The following NECTIN3 variants were observed in gnomAD, a reference collection of about 807,000 sequenced individuals.
NECTIN3 encodes nectin cell adhesion molecule 3, also known as nectin-3.
NECTIN3 carries 8 observed loss-of-function variants against 49.4 expected under a neutral mutation model. The ratio of observed to expected loss-of-function variants is 0.16; its 90% CI spans 0.10 to 0.29. The LOEUF is 0.29. Among genes scored for constraint, NECTIN3 ranks in the 10% least tolerant of loss-of-function variants. The pLI is 1.00. For missense variants in NECTIN3, 581 were observed against 654.6 expected (o/e 0.89, Z 1.23); for synonymous variants, 277 against 241.1 (o/e 1.15, Z -1.38).
At chr3:111,089,156 C>T (rs1047579495) in intron 1 of NECTIN3, among the ~76,000 whole-genome samples, 5 of 151,820 alleles carry the variant, frequency 3.3e-5, no homozygotes, top group African/African-American at 1.2e-4. Flanking sequence ...GTTTTCATTT[C>T]TTATGTTAGT....
intron 5 of NECTIN3, 78 bp downstream of exon 5, chr3:111,126,413 A>G (rs760059086): frequency 5.9e-5 from 73 of 1,244,326 alleles, no homozygotes; most frequent in Non-Finnish European, 7.7e-5. Flanking sequence ...ATCCTAAGCA[A>G]TAATTTGTAC....
At chr3:111,130,208 G>A (rs2034335803) in intron 5 of NECTIN3, among the ~76,000 whole-genome samples, 1 of 151,604 alleles carries the variant, frequency 6.6e-6, no homozygotes, top group African/African-American at 2.4e-5. Context: ...CACCAGCCTC[G>A]GCCTTCCAGA....
chr3:111,118,248 C>CTATATATATATATATA lies in NECTIN3; in HGVS notation c.503-388_503-373dup, dbSNP rs34878535. On this transcript the variant is annotated intron_variant, in intron 2 of 5. Coordinates refer to ENST00000485303, the MANE Select transcript of NECTIN3 (RefSeq NM_015480.3). ...AAAATTTTTTTACTGTAAAATGAAGCTATATATATATATATATATATATAT... is the reference window on the plus strand; with the variant it reads ...AAAATTTTTTTACTGTAAAATGAAGCTATATATATATATATATATATATATATATATATATATATAT... 9.5e-3 allele frequency among the ~76,000 whole-genome samples: 741 copies of CTATATATATATATATA among 77,896 alleles called. 20 individuals are homozygous for CTATATATATATATATA. The highest frequency in any genetic ancestry group is 0.013 in the Non-Finnish European group (494 of 38,746). The allele number at this position is 77,896 out of a possible 152,430, so 51.1% of individuals were successfully genotyped here.
intron 7 of NECTIN3, among the ~76,000 whole-genome samples, chr3:111,148,294 T>C (rs2034925965): frequency 6.6e-6 from 1 of 152,224 alleles, no homozygotes. Context: ...TGTTCTCAGC[T>C]TTTGTTCTTC....
intron 1 of NECTIN3, among the ~76,000 whole-genome samples, chr3:111,105,810 A>G (rs955201422): frequency 1.3e-5 from 2 of 152,190 alleles, no homozygotes; most frequent in Non-Finnish European, 2.9e-5. Flanking sequence ...CTGAGGGATC[A>G]GAACTTTGTT....
At chr3:111,094,704 A>G (rs1456088231) in intron 1 of NECTIN3, among the ~76,000 whole-genome samples, 1 of 152,214 alleles carries the variant, frequency 6.6e-6, no homozygotes, top group Non-Finnish European at 1.5e-5. Flanking sequence ...AAGTTGTGAC[A>G]TTTATGAAAT....
chr3:111,136,147 T>C lies in NECTIN3; in HGVS notation c.*1932T>C. The C allele has an allele frequency of 1.0e-6, 1 of 982,772 alleles. No individual in the cohort carries two copies. Among genetic ancestry groups the C allele is most frequent in the Non-Finnish European group, 1.2e-6 (1 of 827,688 alleles). 60.9% of individuals were successfully genotyped at this position (982,772 alleles called of 1,614,324 possible). A position where few individuals can be genotyped will look rare whatever the true frequency, so the allele number is the denominator to read the frequency against. ...GAAAGATGTAAAACTATGGCTTTTT[T>C]TAAAATCAAAATTTCATCTTTTAAA... On this transcript the variant is annotated 3_prime_UTR_variant, in exon 6 of 6. Transcript: ENST00000485303.
intron 7 of NECTIN3, among the ~76,000 whole-genome samples, chr3:111,163,086 G>A (rs1202798350): frequency 6.6e-6 from 1 of 152,192 alleles, no homozygotes; most frequent in East Asian, 1.9e-4. Flanking sequence ...GGCTGGGGCT[G>A]TAGTCATCTG....
intron 1 of NECTIN3, among the ~76,000 whole-genome samples, chr3:111,076,055 T>A (rs1448297673): frequency 6.6e-6 from 1 of 152,126 alleles, no homozygotes; most frequent in Non-Finnish European, 1.5e-5. Flanking sequence ...TGCAGTTATC[T>A]ACAACATCAG....
chr3:111,092,737 G>A (rs2032350872), intron 1 of NECTIN3, among the ~76,000 whole-genome samples: 1 of 152,084 alleles, frequency 6.6e-6, no homozygotes, highest in African/African-American at 2.4e-5. Context: ...CTTGAAATTG[G>A]GCAGTGTTAG....
chr3:111,138,342 C>A (rs994853511), downstream of NECTIN3, among the ~76,000 whole-genome samples: 1 of 151,484 alleles, frequency 6.6e-6, no homozygotes, highest in Non-Finnish European at 1.5e-5. Flanking sequence ...AAAAAAAATT[C>A]ATGCATGAAA....
At chr3:111,128,958 A>G (rs1390260982) in intron 5 of NECTIN3, among the ~76,000 whole-genome samples, 2 of 152,122 alleles carry the variant, frequency 1.3e-5, no homozygotes, top group African/African-American at 4.8e-5. Context: ...TTTTACCCAC[A>G]ATGAAAACCA....
At chr3:111,183,939 ATAT>A (rs2035672898) in intron 7 of NECTIN3, among the ~76,000 whole-genome samples, 1 of 152,140 alleles carries the variant, frequency 6.6e-6, no homozygotes, top group Admixed American at 6.5e-5. Flanking sequence ...AGTTCTTCAA[ATAT>A]TATAGTTTTC....
At chr3:111,113,681 A>G (rs1258519233) in intron 2 of NECTIN3, among the ~76,000 whole-genome samples, 1 of 152,112 alleles carries the variant, frequency 6.6e-6, no homozygotes, top group Non-Finnish European at 1.5e-5. Flanking sequence ...CACATGGAGG[A>G]CATCAGTAAA....
chr3:111,157,110 A>G (rs1393123433), intron 7 of NECTIN3, among the ~76,000 whole-genome samples: 1 of 152,194 alleles, frequency 6.6e-6, no homozygotes, highest in Non-Finnish European at 1.5e-5. Context: ...ACAGCATTTT[A>G]TTATTGAAAA....
At chr3:111,132,261 T>G (rs929943989) in intron 5 of NECTIN3, among the ~76,000 whole-genome samples, 4 of 152,010 alleles carry the variant, frequency 2.6e-5, no homozygotes, top group South Asian at 2.1e-4. Context: ...TGTTATAAAT[T>G]TAAACTCAAA....
chr3:111,124,795 T>C lies in NECTIN3; in HGVS notation c.918-1389T>C, dbSNP rs1020689486. Among the ~76,000 whole-genome samples the C allele has an allele frequency of 2.6e-5, 4 of 152,280 alleles. No individual in the cohort carries two copies. In the South Asian group the frequency reaches 6.2e-4, roughly 24 times the overall value. ...TTTATTATTGTTTGTTCTTATTCCCTGTGTAATCATTTGTCAATCTTCTAT... is the reference window on the plus strand; with the variant it reads ...TTTATTATTGTTTGTTCTTATTCCCCGTGTAATCATTTGTCAATCTTCTAT... On this transcript the variant is annotated intron_variant, in intron 4 of 5. Coordinates refer to ENST00000485303, the MANE Select transcript of NECTIN3 (RefSeq NM_015480.3).
chr3:111,136,782 A>T lies in NECTIN3; in HGVS notation c.*2567A>T. ...TAAATTCACTTGAGAGTTTTCTTTC[A>T]TACTGGTTAAAATATTTCAATGATA... On this transcript the variant is annotated 3_prime_UTR_variant, in exon 6 of 6. Transcript: ENST00000485303. 1 of 934,000 alleles carries T rather than the reference A, an allele frequency of 1.1e-6. No individual in the cohort carries two copies. The highest frequency in any genetic ancestry group is 1.3e-6 in the Non-Finnish European group (1 of 783,584). The allele number at this position is 934,000 out of a possible 1,614,324, so 57.9% of individuals were successfully genotyped here.
intron 1 of NECTIN3, chr3:111,073,471 A>G (rs1459878243): frequency 6.6e-6 from 1 of 152,264 alleles, no homozygotes; most frequent in East Asian, 1.9e-4. Flanking sequence ...ATGAAATCTG[A>G]TTTACACAGA....
Sources: gnomAD v4.1 joint callset for allele counts (sites outside exome capture counted in the v4.1 genomes callset) on GRCh38, gnomAD v4.1.1 for gene constraint, MANE v1.5 for transcripts, NCBI Gene and HGNC (gene_info 2026-07-23, HGNC 2026-07-21) for gene names.